The following FHL5 variants were observed in gnomAD, a reference collection of about 807,000 sequenced individuals.
The protein encoded by FHL5 is four and a half LIM domains 5.
FHL5 carries 33 observed loss-of-function variants against 32.0 expected under a neutral mutation model. The observed-to-expected ratio is 1.03, with a 90% CI of 0.78 to 1.38. FHL5 has a LOEUF of 1.38. Among genes scored for constraint, FHL5 ranks in the 40% most tolerant of loss-of-function variants. The pLI, the probability that FHL5 is intolerant of heterozygous loss-of-function variation, is 0.00. For missense variants in FHL5, 336 were observed against 343.9 expected, an observed-to-expected ratio of 0.98 and a Z score of 0.18; for synonymous variants, 114 against 113.6, an observed-to-expected ratio of 1.00 and a Z score of -0.02.
chr6:96,574,459 T>G (rs1415656951), intron 1 of FHL5, among the ~76,000 whole-genome samples: 1 of 152,228 alleles, frequency 6.6e-6, no homozygotes, highest in Non-Finnish European at 1.5e-5. Context: ...ACTTTACTTA[T>G]GAACACCAAT....
intron 1 of FHL5, among the ~76,000 whole-genome samples, chr6:96,572,151 T>C (rs565098329): frequency 6.6e-6 from 1 of 152,258 alleles, no homozygotes; most frequent in African/African-American, 2.4e-5. Context: ...AATGTGCCAC[T>C]TCAGCTCAGG....
intron 4 of FHL5, among the ~76,000 whole-genome samples, chr6:96,609,319 C>T (rs1026591444): frequency 1.3e-5 from 2 of 152,112 alleles, no homozygotes; most frequent in African/African-American, 4.8e-5. Context: ...TCAGATACCC[C>T]ATTGCTTCAG....
In FHL5 at chr6:96,585,692, T is replaced by C. The variant is rs1470277929; in HGVS notation, c.-12-17910T>C. 2.6e-5 allele frequency among the ~76,000 whole-genome samples: 4 copies of C among 152,260 alleles called. No homozygotes were observed. In the East Asian group the frequency reaches 7.7e-4, roughly 29 times the overall value. On this transcript the variant is annotated intron_variant, in intron 1 of 5. Transcript: ENST00000450218. ...AATCAATGCAGTAACTTATAATTGG[T>C]ATTTAGAATAAGAATATATGGTAAT...
At chr6:96,567,954 C>T (rs1383379893) in intron 1 of FHL5, among the ~76,000 whole-genome samples, 1 of 150,740 alleles carries the variant, frequency 6.6e-6, no homozygotes, top group African/African-American at 2.4e-5. Flanking sequence ...AATTTGACCT[C>T]CTTTTCAATT....
intron 5 of FHL5, among the ~76,000 whole-genome samples, chr6:96,614,977 A>G (rs1228190870): frequency 1.3e-5 from 2 of 152,108 alleles, no homozygotes. Context: ...GAGCAAGGTA[A>G]TAAGGCCATC....
rs1027796871 is a variant in FHL5, at chr6:96,583,899, T to C, written c.-12-19703T>C. Among the ~76,000 whole-genome samples, 6 of 152,310 alleles carry C rather than the reference T, an allele frequency of 3.9e-5. No homozygotes were observed. In the South Asian group the frequency reaches 6.2e-4, roughly 16 times the overall value. ...AAGTAAATACATAACATGCAAATTC[T>C]TAACTGTTTTATATTCAAGTTTTTA... On this transcript the variant is annotated intron_variant, in intron 1 of 5. Transcript: ENST00000450218.
intron 1 of FHL5, among the ~76,000 whole-genome samples, chr6:96,569,736 T>A (rs1582455871): frequency 6.7e-6 from 1 of 149,398 alleles, no homozygotes; most frequent in East Asian, 1.9e-4. Flanking sequence ...TTGGTTTCCA[T>A]TTGTATGGAT....
At chr6:96,591,619 C>T (rs1770919103) in intron 1 of FHL5, among the ~76,000 whole-genome samples, 1 of 152,100 alleles carries the variant, frequency 6.6e-6, no homozygotes. Context: ...TTGAATATAT[C>T]TCTCCATTGT....
At chr6:96,584,467 G>T (rs867957696) in intron 1 of FHL5, among the ~76,000 whole-genome samples, 62 of 150,136 alleles carry the variant, frequency 4.1e-4, no homozygotes, top group African/African-American at 1.3e-3. Context: ...GTGTTTGTGT[G>T]TGTGTGTGTG....
chr6:96,597,535 C>T (rs1230741039), intron 1 of FHL5, among the ~76,000 whole-genome samples: 1 of 152,126 alleles, frequency 6.6e-6, no homozygotes, highest in South Asian at 2.1e-4. Flanking sequence ...ATGGCACTTA[C>T]CTGTTCTAAG....
chr6:96,588,361 C>G (rs1313064652), intron 1 of FHL5, among the ~76,000 whole-genome samples: 1 of 152,156 alleles, frequency 6.6e-6, no homozygotes, highest in Admixed American at 6.5e-5. Flanking sequence ...CAGGCATGCA[C>G]CACCATGCCT....
chr6:96,596,555 T>C (rs930391614), intron 1 of FHL5, among the ~76,000 whole-genome samples: 1 of 152,108 alleles, frequency 6.6e-6, no homozygotes, highest in African/African-American at 2.4e-5. Flanking sequence ...CTTCACGATA[T>C]CTGCTTCATC....
In FHL5 at chr6:96,563,316, G is replaced by A. The variant is rs1002159633; in HGVS notation, c.-52G>A. 3.9e-5 allele frequency: 6 copies of A among 152,088 alleles called. No homozygotes were observed. The East Asian group carries it at 9.6e-4, about 24-fold the overall frequency. 9.4% of individuals were successfully genotyped at this position (152,088 alleles called of 1,614,324 possible). A position where few individuals can be genotyped will look rare whatever the true frequency, so the allele number is the denominator to read the frequency against. On this transcript the variant is annotated 5_prime_UTR_variant, in exon 1 of 6. Transcript: ENST00000450218. ...AATAATCAACATATATTCTCCTTTC[G>A]TACTGTTTAAATCACAGGAAGAAGC...
intron 1 of FHL5, among the ~76,000 whole-genome samples, chr6:96,571,746 T>G (rs1770483545): frequency 6.6e-6 from 1 of 152,082 alleles, no homozygotes; most frequent in Non-Finnish European, 1.5e-5. Flanking sequence ...AACTTTGGCC[T>G]TGGGAGCAGG....
At chr6:96,607,610 A>C (rs1475866517) in intron 4 of FHL5, among the ~76,000 whole-genome samples, 2 of 152,176 alleles carry the variant, frequency 1.3e-5, no homozygotes, top group East Asian at 3.9e-4. Flanking sequence ...ACTGGCTTAG[A>C]AGGTGACTTT....
At chr6:96,602,553 T>G (rs901134445) in intron 1 of FHL5, among the ~76,000 whole-genome samples, 1 of 146,372 alleles carries the variant, frequency 6.8e-6, no homozygotes, top group African/African-American at 2.5e-5. Flanking sequence ...TTCACGCCAT[T>G]CTTCTGCCTC....
intron 1 of FHL5, among the ~76,000 whole-genome samples, chr6:96,583,321 T>C (rs966961174): frequency 6.6e-6 from 1 of 152,200 alleles, no homozygotes. Flanking sequence ...TACTGTAGAA[T>C]GTGCATGTAT....
chr6:96,604,951 C>T (rs778468162), intron 3 of FHL5, 27 bp downstream of exon 3: 1 of 1,533,134 alleles, frequency 6.5e-7, no homozygotes, highest in South Asian at 1.3e-5. Context: ...GCTCCTGTCT[C>T]TAACTGAAGC....
At chr6:96,611,056 G>T (rs1582482203) in intron 5 of FHL5, among the ~76,000 whole-genome samples, 1 of 152,168 alleles carries the variant, frequency 6.6e-6, no homozygotes, top group African/African-American at 2.4e-5. Context: ...AGAGGTTAGT[G>T]CAGGCCTTCA....
Sources: allele counts gnomAD v4.1 joint callset (sites outside exome capture counted in the v4.1 genomes callset), GRCh38; gene constraint gnomAD v4.1.1; transcripts MANE v1.5; gene names NCBI Gene and HGNC (gene_info 2026-07-23, HGNC 2026-07-21).